The following TTC29 variants were observed in gnomAD, a reference collection of about 807,000 sequenced individuals.
TTC29 encodes the protein tetratricopeptide repeat protein 29.
TTC29 carries 49 observed loss-of-function variants against 58.1 expected under a neutral mutation model. The observed-to-expected ratio is 0.84, with a 90% confidence interval of 0.67 to 1.07. The LOEUF is 1.07. TTC29 is among the 50% of genes least tolerant of loss of function. The pLI is 0.00. For synonymous variants in TTC29, 209 were observed against 196.8 expected (o/e 1.06, Z -0.52); for missense variants, 582 against 555.6 (o/e 1.05, Z -0.48).
chr4:146,801,978 C>CAAAAAAAAA (rs57486017), intron 11 of TTC29, among the ~76,000 whole-genome samples: 5 of 38,800 alleles, frequency 1.3e-4, no homozygotes, highest in East Asian at 8.8e-4. Context: ...GACTCTGTCT[C>CAAAAAAAAA]AAAAAAAAAA....
At chr4:146,799,359 T>C (rs1265823161) in intron 11 of TTC29, among the ~76,000 whole-genome samples, 1 of 152,176 alleles carries the variant, frequency 6.6e-6, no homozygotes, top group African/African-American at 2.4e-5. Context: ...TGAGGATCAC[T>C]AGTGAGTGTG....
At chr4:146,870,516 T>C (rs1456827722) in intron 7 of TTC29, among the ~76,000 whole-genome samples, 4 of 151,554 alleles carry the variant, frequency 2.6e-5, no homozygotes, top group Admixed American at 6.6e-5. Context: ...ACATAAAGAA[T>C]AGAAAAACCA....
chr4:146,872,870 C>CA (rs1265207908), intron 7 of TTC29, among the ~76,000 whole-genome samples: 1 of 152,040 alleles, frequency 6.6e-6, no homozygotes, highest in Non-Finnish European at 1.5e-5. Flanking sequence ...CCAGCGATGC[C>CA]ACTCCTAAGC....
chr4:146,835,434 A>G (rs1728442607), intron 8 of TTC29, among the ~76,000 whole-genome samples: 1 of 152,120 alleles, frequency 6.6e-6, no homozygotes, highest in South Asian at 2.1e-4. Context: ...TTAGGAAAAG[A>G]TTTTCTGGTG....
At chr4:146,818,887 G>A (rs1226288749) in intron 10 of TTC29, among the ~76,000 whole-genome samples, 1 of 151,398 alleles carries the variant, frequency 6.6e-6, no homozygotes, top group East Asian at 1.9e-4. Context: ...TGAACAATGA[G>A]AACACATGGA....
At chr4:146,899,026 T>C (rs964997991) in intron 6 of TTC29, among the ~76,000 whole-genome samples, 24 of 152,142 alleles carry the variant, frequency 1.6e-4, no homozygotes, top group African/African-American at 5.8e-4. Flanking sequence ...TGCTGGTGCT[T>C]CCTCAACTAT....
intron 11 of TTC29, among the ~76,000 whole-genome samples, chr4:146,738,132 C>T (rs369979174): frequency 4.6e-5 from 7 of 152,296 alleles, no homozygotes; most frequent in Admixed American, 3.3e-4. Flanking sequence ...TCTAGTATTG[C>T]TCCCAGCGAT....
In TTC29 at chr4:146,883,768, G is replaced by C. The variant is rs184430439; in HGVS notation, c.587-8840C>G. On this transcript the variant is annotated intron_variant, in intron 6 of 12. Transcript: ENST00000325106. ...CACCTTTGAATGAGGCTTCCTCTCC[G>C]TGCTACTCGTTAAGCAGTAAATAAT... Among the ~76,000 whole-genome samples, 537 of 151,994 alleles carry C rather than the reference G, an allele frequency of 3.5e-3. 3 individuals carry two copies. Among genetic ancestry groups the C allele is most frequent in the Non-Finnish European group, 5.7e-3 (385 of 67,964 alleles).
chr4:146,781,104 C>G (rs1339318008), intron 11 of TTC29, among the ~76,000 whole-genome samples: 1 of 151,902 alleles, frequency 6.6e-6, no homozygotes, highest in African/African-American at 2.4e-5. Flanking sequence ...ACCAGACATG[C>G]TTTGTTATAA....
intron 6 of TTC29, among the ~76,000 whole-genome samples, chr4:146,880,026 T>C (rs2150231104): frequency 6.6e-6 from 1 of 152,296 alleles, no homozygotes; most frequent in African/African-American, 2.4e-5. Context: ...AAGGCCTGCA[T>C]GCATGGCTCT....
chr4:146,908,614 C>T (rs1216543144), intron 5 of TTC29, among the ~76,000 whole-genome samples: 1 of 152,108 alleles, frequency 6.6e-6, no homozygotes, highest in Non-Finnish European at 1.5e-5. Flanking sequence ...CTTCAAAGTC[C>T]ACTATCTAAA....
At chr4:146,742,373 A>G (rs1041622683) in intron 11 of TTC29, among the ~76,000 whole-genome samples, 1 of 151,884 alleles carries the variant, frequency 6.6e-6, no homozygotes, top group Non-Finnish European at 1.5e-5. Flanking sequence ...CTAACAAAGA[A>G]CTCTAGAGGG....
intron 11 of TTC29, among the ~76,000 whole-genome samples, chr4:146,769,769 A>G (rs1227360049): frequency 6.6e-6 from 1 of 152,054 alleles, no homozygotes; most frequent in East Asian, 1.9e-4. Flanking sequence ...TTTCTTATGC[A>G]AGTTTAAGGA....
At chr4:146,813,731 GC>G (rs1751182488) in intron 10 of TTC29, among the ~76,000 whole-genome samples, 1 of 152,122 alleles carries the variant, frequency 6.6e-6, no homozygotes, top group South Asian at 2.1e-4. Context: ...CCTGTAGGTA[GC>G]CAGCACTTTG....
intron 11 of TTC29, among the ~76,000 whole-genome samples, chr4:146,722,304 G>A (rs1411596001): frequency 3.3e-5 from 5 of 151,944 alleles, no homozygotes; most frequent in African/African-American, 4.8e-5. Context: ...TTTCACAAAC[G>A]GATAAAAAAC....
chr4:146,866,354 C>T lies in TTC29; in HGVS notation c.885+1144G>A, dbSNP rs546182448. Among the ~76,000 whole-genome samples the T allele has an allele frequency of 1.1e-4, 16 of 152,224 alleles. 1 individual carries two copies. The highest frequency in any genetic ancestry group is 1.0e-3 in the South Asian group (5 of 4,828). On this transcript the variant is annotated intron_variant, in intron 8 of 12. Coordinates refer to ENST00000325106, the MANE Select transcript of TTC29 (RefSeq NM_031956.4). ...GAGTGTGTACGCATGTGTGCACACA[C>T]GTATATTTGCTGTTCTATCATTGTG...
intron 11 of TTC29, among the ~76,000 whole-genome samples, chr4:146,776,439 TG>T (rs1488497020): frequency 1.7e-4 from 25 of 147,982 alleles, no homozygotes; most frequent in Middle Eastern, 3.4e-3. Context: ...GTCCTTTGGA[TG>T]TTTTTTTTTT....
At chr4:146,841,925 G>C (rs542707076) in intron 8 of TTC29, among the ~76,000 whole-genome samples, 13 of 152,174 alleles carry the variant, frequency 8.5e-5, no homozygotes, top group African/African-American at 3.1e-4. Flanking sequence ...TAAAAGTACT[G>C]TCTAAGGATT....
At chr4:146,821,561 T>C (rs913363390) in intron 9 of TTC29, among the ~76,000 whole-genome samples, 1 of 152,172 alleles carries the variant, frequency 6.6e-6, no homozygotes, top group Non-Finnish European at 1.5e-5. Context: ...CCTCACAAAA[T>C]GTTCAGGAAG....
Sources: allele counts gnomAD v4.1 joint callset (sites outside exome capture counted in the v4.1 genomes callset), GRCh38; gene constraint gnomAD v4.1.1; transcripts MANE v1.5; gene names NCBI Gene and HGNC (gene_info 2026-07-23, HGNC 2026-07-21).